The following COL28A1 variants were observed in gnomAD, a reference collection of about 807,000 sequenced individuals.
COL28A1 encodes collagen alpha-1(XXVIII) chain.
COL28A1 carries 161 observed loss-of-function variants against 150.2 expected under a neutral mutation model. That is an observed-to-expected ratio of 1.07 (90% CI 0.94 to 1.22). The LOEUF is 1.22. Among genes scored for constraint, COL28A1 ranks in the 50% most tolerant of loss-of-function variants. The pLI is 0.00. For synonymous variants in COL28A1, 552 were observed against 469.7 expected, an observed-to-expected ratio of 1.18 and a Z score of -2.26; for missense variants, 1,617 against 1,388.3, an observed-to-expected ratio of 1.16 and a Z score of -2.62.
chr7:7,447,751 A>C (rs1786371596), intron 18 of COL28A1, among the ~76,000 whole-genome samples: 1 of 152,214 alleles, frequency 6.6e-6, no homozygotes, highest in Non-Finnish European at 1.5e-5. Flanking sequence ...GGAAGAAAAG[A>C]TTAGTGAACT....
intron 6 of COL28A1, 140 bp downstream of exon 6, chr7:7,519,922 G>C (rs1287656498): frequency 2.1e-5 from 11 of 531,284 alleles, no homozygotes; most frequent in Non-Finnish European, 3.7e-5. Context: ...AATATAGGAA[G>C]TGGAAATCCT....
chr7:7,536,915 G>A (rs1583597503), upstream of COL28A1, among the ~76,000 whole-genome samples: 1 of 152,054 alleles, frequency 6.6e-6, no homozygotes, highest in Non-Finnish European at 1.5e-5. Flanking sequence ...GTCCTCTGTA[G>A]GTTCTGGAAA....
At chr7:7,374,038 A>AAAAAAAAAAAAAATATATATAT in intron 31 of COL28A1, among the ~76,000 whole-genome samples, 4 of 113,626 alleles carry the variant, frequency 3.5e-5, no homozygotes, top group African/African-American at 1.5e-4. Flanking sequence ...AAAAAAAAAA[A>AAAAAAAAAAAAAATATATATAT]ATATATATAT....
the COL28A1 span, among the ~76,000 whole-genome samples, chr7:7,350,391 T>C: frequency 6.6e-6 from 1 of 152,120 alleles, no homozygotes; most frequent in African/African-American, 2.4e-5. Context: ...AAGACATATG[T>C]AATAGACTTG....
chr7:7,484,593 A>G (rs1197949042), intron 13 of COL28A1, among the ~76,000 whole-genome samples: 1 of 152,174 alleles, frequency 6.6e-6, no homozygotes, highest in Non-Finnish European at 1.5e-5. Context: ...GAACTAAGTC[A>G]ATAGGAATGA....
At chr7:7,444,379 A>C in intron 19 of COL28A1, 39 bp downstream of exon 19, 1 of 1,612,304 alleles carries the variant, frequency 6.2e-7, no homozygotes, top group Non-Finnish European at 8.5e-7. Flanking sequence ...GTTTGGTTCA[A>C]CAGTTCCTAC....
chr7:7,415,020 C>T (rs1484152245), intron 27 of COL28A1, among the ~76,000 whole-genome samples: 2 of 152,172 alleles, frequency 1.3e-5, no homozygotes, highest in African/African-American at 4.8e-5. Flanking sequence ...GATGCTCAAT[C>T]CGTATTGGTT....
intron 23 of COL28A1, among the ~76,000 whole-genome samples, chr7:7,435,947 G>C (rs915679932): frequency 1.3e-5 from 2 of 152,174 alleles, no homozygotes; most frequent in Admixed American, 1.3e-4. Flanking sequence ...AACCAGATAT[G>C]ATTACAGAAA....
chr7:7,440,695 C>T, intron 21 of COL28A1, 95 bp downstream of exon 21: 1 of 583,294 alleles, frequency 1.7e-6, no homozygotes, highest in East Asian at 2.7e-5. Context: ...GGGAAGGAAA[C>T]AAGGAATCCA....
intron 13 of COL28A1, among the ~76,000 whole-genome samples, chr7:7,487,196 CATTCTT>C (rs11277303): frequency 0.039 from 5,952 of 152,150 alleles, 425 homozygotes; most frequent in African/African-American, 0.14. Flanking sequence ...AAGTGACACT[CATTCTT>C]AAGTTTAGTG....
the COL28A1 span, among the ~76,000 whole-genome samples, chr7:7,349,816 A>G: frequency 6.6e-6 from 1 of 152,106 alleles, no homozygotes; most frequent in Non-Finnish European, 1.5e-5. Context: ...CTTCTTGGTA[A>G]GTAAGGAAGT....
At chr7:7,533,183 T>C (rs140733456) in intron 1 of COL28A1, among the ~76,000 whole-genome samples, 1,806 of 152,248 alleles carry the variant, frequency 0.012, 28 homozygotes, top group Non-Finnish European at 0.019. Flanking sequence ...TTGAGGAGCA[T>C]AGAGTTGGGA....
intron 31 of COL28A1, among the ~76,000 whole-genome samples, chr7:7,374,670 G>A (rs1219149595): frequency 6.6e-6 from 1 of 152,128 alleles, no homozygotes; most frequent in Non-Finnish European, 1.5e-5. Context: ...GCCTGCCACA[G>A]AAAACCATCA....
intron 17 of COL28A1, 86 bp from the exon 18 acceptor site, chr7:7,452,473 A>G: frequency 6.7e-7 from 1 of 1,484,204 alleles, no homozygotes; most frequent in Non-Finnish European, 8.9e-7. Context: ...TTATATCAAC[A>G]AAGTAAAACA....
chr7:7,504,508 A>G (rs781112855), intron 11 of COL28A1, among the ~76,000 whole-genome samples: 15 of 152,156 alleles, frequency 9.9e-5, no homozygotes, highest in Non-Finnish European at 2.9e-5. Flanking sequence ...TCTAAAAAAG[A>G]GAGAGAGAAG....
chr7:7,418,657 A>G (rs750195925), intron 26 of COL28A1, among the ~76,000 whole-genome samples: 1 of 152,222 alleles, frequency 6.6e-6, no homozygotes, highest in Non-Finnish European at 1.5e-5. Flanking sequence ...CTGGGTTAAT[A>G]TAAGTTATTG....
chr7:7,382,899 C>T (rs1363175150), intron 27 of COL28A1, among the ~76,000 whole-genome samples: 1 of 152,126 alleles, frequency 6.6e-6, no homozygotes, highest in Non-Finnish European at 1.5e-5. Context: ...ACGAGGCACT[C>T]CTGGAAGGGG....
intron 27 of COL28A1, among the ~76,000 whole-genome samples, chr7:7,404,890 T>A (rs1348745224): frequency 6.6e-6 from 1 of 152,098 alleles, no homozygotes; most frequent in Non-Finnish European, 1.5e-5. Context: ...ACTATTTTAT[T>A]TTAATTTTTT....
At chr7:7,443,733 T>C (rs1170213484) in intron 19 of COL28A1, 80 bp from the exon 20 acceptor site, 8 of 1,572,318 alleles carry the variant, frequency 5.1e-6, no homozygotes, top group Non-Finnish European at 6.9e-6. Flanking sequence ...TCTCCTTTTA[T>C]CATTAGTGGA....
Sources: allele counts gnomAD v4.1 joint callset (sites outside exome capture counted in the v4.1 genomes callset), GRCh38; gene constraint gnomAD v4.1.1; transcripts MANE v1.5; gene names NCBI Gene and HGNC (gene_info 2026-07-23, HGNC 2026-07-21).